Variants in SLC41A2 observed in about 807,000 individuals in gnomAD.
SLC41A2 encodes the protein SLC41A1-like 1.
SLC41A2 carries 32 observed loss-of-function variants against 58.3 expected under a neutral mutation model. The observed-to-expected ratio is 0.55, with a 90% confidence interval of 0.41 to 0.74. SLC41A2 has a LOEUF of 0.74. Among genes scored for constraint, SLC41A2 ranks in the 30% least tolerant of loss-of-function variants. The probability of loss-of-function intolerance (pLI) is 0.00; values close to 1 mark genes in which losing one functional copy is unlikely to be tolerated. For missense variants in SLC41A2, 514 were observed against 680.6 expected (o/e 0.76, Z 2.72); for synonymous variants, 190 against 235.0 (o/e 0.81, Z 1.75).
At chr12:104,915,022 C>T (rs766770542) in intron 2 of SLC41A2, among the ~76,000 whole-genome samples, 3 of 152,130 alleles carry the variant, frequency 2.0e-5, no homozygotes, top group South Asian at 2.1e-4. Context: ...ATGAACCTGC[C>T]GTAAAGTATG....
chr12:104,859,307 A>C (rs2043124091), intron 8 of SLC41A2, among the ~76,000 whole-genome samples: 1 of 152,226 alleles, frequency 6.6e-6, no homozygotes, highest in African/African-American at 2.4e-5. Context: ...ATGTAATAAA[A>C]ACAATGTTTA....
intron 8 of SLC41A2, among the ~76,000 whole-genome samples, chr12:104,846,442 G>A (rs562004346): frequency 6.6e-6 from 1 of 152,312 alleles, no homozygotes; most frequent in South Asian, 2.1e-4. Context: ...GATGTGAAAT[G>A]AATTCCAAAG....
At chr12:104,849,951 A>G (rs2042740329) in intron 8 of SLC41A2, among the ~76,000 whole-genome samples, 1 of 152,258 alleles carries the variant, frequency 6.6e-6, no homozygotes, top group South Asian at 2.1e-4. Context: ...TCGAAGAATG[A>G]GCTCTGAAAG....
At chr12:104,866,042 A>C (rs2043427536) in intron 7 of SLC41A2, among the ~76,000 whole-genome samples, 1 of 152,156 alleles carries the variant, frequency 6.6e-6, no homozygotes, top group Non-Finnish European at 1.5e-5. Context: ...TACATTTCTA[A>C]GGCTTTATGA....
chr12:104,814,476 G>C (rs1471923308), intron 10 of SLC41A2, among the ~76,000 whole-genome samples: 1 of 152,106 alleles, frequency 6.6e-6, no homozygotes, highest in African/African-American at 2.4e-5. Flanking sequence ...ATCCCCGAAA[G>C]AAGAAAACCA....
At chr12:104,868,715 ATGG>A (rs2043602746) in intron 6 of SLC41A2, among the ~76,000 whole-genome samples, 1 of 152,226 alleles carries the variant, frequency 6.6e-6, no homozygotes, top group Non-Finnish European at 1.5e-5. Flanking sequence ...TGTTCATCAA[ATGG>A]TGAATAGATA....
intron 1 of SLC41A2, among the ~76,000 whole-genome samples, chr12:104,945,950 C>T (rs2047702194): frequency 6.6e-6 from 1 of 152,300 alleles, no homozygotes; most frequent in African/African-American, 2.4e-5. Flanking sequence ...CAATCCATCA[C>T]ATATAATTCA....
intron 8 of SLC41A2, among the ~76,000 whole-genome samples, chr12:104,855,624 C>T (rs1422287085): frequency 6.6e-6 from 1 of 152,150 alleles, no homozygotes; most frequent in Non-Finnish European, 1.5e-5. Context: ...GTCTGCTACT[C>T]AACAAAACTG....
At chr12:104,855,439 C>T (rs1593003747) in intron 8 of SLC41A2, among the ~76,000 whole-genome samples, 3 of 152,154 alleles carry the variant, frequency 2.0e-5, no homozygotes, top group Admixed American at 2.0e-4. Context: ...TTACTACATA[C>T]ATGTATATTC....
chr12:104,878,185 T>C (rs1299389018), intron 6 of SLC41A2, among the ~76,000 whole-genome samples: 2 of 151,692 alleles, frequency 1.3e-5, no homozygotes, highest in African/African-American at 4.8e-5. Context: ...CTTACTTTCT[T>C]ACCACTGTCT....
At chr12:104,926,627 T>C (rs2046854695) in intron 2 of SLC41A2, among the ~76,000 whole-genome samples, 1 of 150,028 alleles carries the variant, frequency 6.7e-6, no homozygotes, top group Non-Finnish European at 1.5e-5. Context: ...TACAAATCAA[T>C]AAGTAGCACA....
chr12:104,891,418 A>G (rs2044960822), intron 4 of SLC41A2, among the ~76,000 whole-genome samples: 1 of 151,904 alleles, frequency 6.6e-6, no homozygotes, highest in Non-Finnish European at 1.5e-5. Context: ...AATTTATACT[A>G]CAACTCATAT....
intron 1 of SLC41A2, among the ~76,000 whole-genome samples, chr12:104,940,553 T>A (rs2047469493): frequency 6.7e-6 from 1 of 149,244 alleles, no homozygotes; most frequent in African/African-American, 2.4e-5. Context: ...AAGGCTCACC[T>A]CTAAAATGGA....
chr12:104,920,072 T>C (rs967398988), intron 2 of SLC41A2, among the ~76,000 whole-genome samples: 14 of 152,240 alleles, frequency 9.2e-5, no homozygotes, highest in African/African-American at 3.4e-4. Flanking sequence ...GAAAAGGCTA[T>C]TTTTGCCTCC....
chr12:104,917,721 A>T (rs1030453382), intron 2 of SLC41A2, among the ~76,000 whole-genome samples: 4 of 151,006 alleles, frequency 2.6e-5, no homozygotes, highest in African/African-American at 9.7e-5. Context: ...TATCACAAGG[A>T]CAAAAAACCA....
rs183478179 is a variant in SLC41A2 at position 104,860,120 on chromosome 12, C to T, written c.1255+1171G>A. ...GTATATCCTGGGACATGTTTTTCCC[C>T]AAGTAGAATTACTTTTTAAATTATA... is the stretch of plus-strand genomic sequence containing the variant. On this transcript the variant is annotated intron_variant, in intron 8 of 10. Coordinates refer to ENST00000258538, the MANE Select transcript of SLC41A2 (RefSeq NM_001352171.3). Among the ~76,000 whole-genome samples, 75 of 152,088 alleles carry T rather than the reference C, an allele frequency of 4.9e-4. 1 individual carries two copies. The South Asian group carries it at 8.7e-3, about 18-fold the overall frequency.
intron 8 of SLC41A2, among the ~76,000 whole-genome samples, chr12:104,853,911 A>ATTATTTTTTTTTTTT: frequency 2.0e-4 from 12 of 59,492 alleles, no homozygotes; most frequent in Admixed American, 4.3e-4. Context: ...TGCCTGGCTG[A>ATTATTTTTTTTTTTT]TTTTTTTTTT....
chr12:104,854,542 G>A (rs1244520604), intron 8 of SLC41A2, among the ~76,000 whole-genome samples: 4 of 144,664 alleles, frequency 2.8e-5, no homozygotes, highest in South Asian at 4.4e-4. Flanking sequence ...CAGCCTGGGC[G>A]AAAGAGCCAG....
At chr12:104,919,719 A>G (rs2046502792) in intron 2 of SLC41A2, among the ~76,000 whole-genome samples, 1 of 152,164 alleles carries the variant, frequency 6.6e-6, no homozygotes, top group Admixed American at 6.5e-5. Flanking sequence ...GAGTTCTTAC[A>G]TATACTAATC....
Sources: allele counts gnomAD v4.1 joint callset (sites outside exome capture counted in the v4.1 genomes callset), GRCh38; gene constraint gnomAD v4.1.1; transcripts MANE v1.5; gene names NCBI Gene and HGNC (gene_info 2026-07-23, HGNC 2026-07-21).